The following FANK1 variants were observed in gnomAD, a reference collection of about 807,000 sequenced individuals.
The protein encoded by FANK1 is fibronectin type III and ankyrin repeat domains 1.
In FANK1, 44 loss-of-function variants were observed where a neutral mutation model predicts 45.3. The ratio of observed to expected loss-of-function variants is 0.97; its 90% CI spans 0.76 to 1.25. The LOEUF (loss-of-function observed/expected upper bound fraction) is 1.25, where lower values mean the gene tolerates loss of function less well. Among genes scored for constraint, FANK1 ranks in the 50% most tolerant of loss-of-function variants. The probability of loss-of-function intolerance (pLI) is 0.00; values close to 1 mark genes in which losing one functional copy is unlikely to be tolerated. For missense variants in FANK1, 391 were observed against 424.4 expected (o/e 0.92, Z 0.69); for synonymous variants, 149 against 152.5 (o/e 0.98, Z 0.17).
At chr10:125,926,981 C>G (rs146350256) in intron 1 of FANK1, among the ~76,000 whole-genome samples, 1,932 of 152,282 alleles carry the variant, frequency 0.013, 23 homozygotes, top group African/African-American at 0.043. Context: ...TGACCAGCAA[C>G]CCAGAAGCCT....
intron 3 of FANK1, among the ~76,000 whole-genome samples, chr10:125,990,794 G>A (rs56728149): frequency 0.057 from 8,642 of 152,266 alleles, 847 homozygotes; most frequent in African/African-American, 0.2. Flanking sequence ...AAGGAAAGAA[G>A]TTTAATGGAC....
Position 125,954,300 on chromosome 10 carries a change from A to G in FANK1, c.14-25861A>G, listed in dbSNP as rs550078104. Among the ~76,000 whole-genome samples, 20 of 152,280 alleles carry G rather than the reference A, an allele frequency of 1.3e-4. No individual in the cohort carries two copies. In the South Asian group the frequency reaches 1.5e-3, roughly 11 times the overall value. On this transcript the variant is annotated intron_variant, in intron 1 of 10. Transcript: ENST00000368693. ...GACAGGGAGGCATAAAGGATAAGGA[A>G]GTTAGTTTGGCCTTGGAAGTAGGGA...
intron 1 of FANK1, among the ~76,000 whole-genome samples, chr10:125,962,016 A>G (rs1281320448): frequency 6.6e-6 from 1 of 152,244 alleles, no homozygotes; most frequent in African/African-American, 2.4e-5. Context: ...AAGCTTCTGC[A>G]CAGCAAAGGA....
intron 1 of FANK1, among the ~76,000 whole-genome samples, chr10:125,947,668 G>T (rs1318829334): frequency 6.7e-6 from 1 of 150,196 alleles, no homozygotes; most frequent in Non-Finnish European, 1.5e-5. Flanking sequence ...AATAATGGGA[G>T]ACTTTAACAC....
intron 4 of FANK1, 165 bp downstream of exon 4, chr10:125,995,663 A>G (rs1952274897): frequency 3.2e-6 from 2 of 618,632 alleles, no homozygotes; most frequent in African/African-American, 1.8e-5. Context: ...CAGTTAATAA[A>G]GATGCTCATG....
At chr10:125,938,856 C>T (rs939688436) in intron 1 of FANK1, among the ~76,000 whole-genome samples, 3 of 152,046 alleles carry the variant, frequency 2.0e-5, no homozygotes, top group Non-Finnish European at 4.4e-5. Context: ...TAAAAGTATA[C>T]AGAACCAGCT....
At chr10:125,987,775 C>T (rs560491706) in intron 2 of FANK1, among the ~76,000 whole-genome samples, 21 of 152,208 alleles carry the variant, frequency 1.4e-4, no homozygotes, top group African/African-American at 4.8e-4. Flanking sequence ...CTCCTGGGAC[C>T]TGCCTCACAA....
At chr10:125,946,616 C>A (rs1330179910) in intron 1 of FANK1, among the ~76,000 whole-genome samples, 1 of 150,556 alleles carries the variant, frequency 6.6e-6, no homozygotes, top group Non-Finnish European at 1.5e-5. Flanking sequence ...TGTGAAAAGA[C>A]CAAATCTACG....
chr10:126,001,356 T>C (rs903235085), intron 6 of FANK1, among the ~76,000 whole-genome samples: 7 of 152,176 alleles, frequency 4.6e-5, no homozygotes, highest in African/African-American at 1.4e-4. Context: ...TATGAAATAA[T>C]AAGAAACTGA....
chr10:125,903,198 T>C (rs1301412682), intron 1 of FANK1, among the ~76,000 whole-genome samples: 1 of 152,288 alleles, frequency 6.6e-6, no homozygotes, highest in Non-Finnish European at 1.5e-5. Context: ...TTAAAACTTG[T>C]CTATTCTGAA....
intron 1 of FANK1, among the ~76,000 whole-genome samples, chr10:125,924,806 CAAA>C (rs58856642): frequency 1.1e-3 from 79 of 70,766 alleles, no homozygotes; most frequent in African/African-American, 2.6e-3. Context: ...GACCCCATCT[CAAA>C]AAAAAAAAAA....
chr10:125,970,927 C>G (rs1264846961), intron 1 of FANK1, among the ~76,000 whole-genome samples: 2 of 152,150 alleles, frequency 1.3e-5, no homozygotes, highest in Non-Finnish European at 2.9e-5. Flanking sequence ...AGATGTGTTA[C>G]TTGTTATACA....
intron 3 of FANK1, among the ~76,000 whole-genome samples, chr10:125,992,294 G>T (rs1476969579): frequency 6.6e-6 from 1 of 152,122 alleles, no homozygotes; most frequent in Admixed American, 6.5e-5. Flanking sequence ...CTGTTTCTTT[G>T]TCAAATTCAG....
At chr10:125,900,633 TTTTG>T (rs1554903790) in intron 1 of FANK1, among the ~76,000 whole-genome samples, 30 of 152,024 alleles carry the variant, frequency 2.0e-4, no homozygotes, top group East Asian at 7.8e-4. Context: ...TTCTGTTTTT[TTTTG>T]TTTGTTTGTT....
intron 6 of FANK1, among the ~76,000 whole-genome samples, chr10:125,997,910 C>A (rs1000874922): frequency 6.6e-6 from 1 of 152,230 alleles, no homozygotes; most frequent in African/African-American, 2.4e-5. Flanking sequence ...AAGAAGCAGA[C>A]AGAAATTACC....
chr10:125,949,407 C>G (rs1949044698), intron 1 of FANK1, among the ~76,000 whole-genome samples: 1 of 152,162 alleles, frequency 6.6e-6, no homozygotes, highest in Admixed American at 6.6e-5. Flanking sequence ...AGCTGATAAA[C>G]AACTTCAGCA....
intron 1 of FANK1, among the ~76,000 whole-genome samples, chr10:125,922,077 T>G (rs1946983802): frequency 6.6e-6 from 1 of 152,220 alleles, no homozygotes; most frequent in Non-Finnish European, 1.5e-5. Context: ...AATTTAGTGC[T>G]ATAAATTGCC....
rs572245588 is a variant in FANK1, at chr10:125,946,139, A to G, written c.14-34022A>G. The stretch of plus-strand genomic sequence containing the variant: ...CCATCATCAAAGACCAAAAGTAGAT[A>G]AAACCACAAAGATGGGAAAAAAACA... On this transcript the variant is annotated intron_variant, in intron 1 of 10. Coordinates refer to ENST00000368693, the MANE Select transcript of FANK1 (RefSeq NM_145235.5). Among the ~76,000 whole-genome samples the G allele has an allele frequency of 5.9e-4, 90 of 152,334 alleles. 1 individual carries two copies. Among genetic ancestry groups the G allele is most frequent in the East Asian group, 4.1e-3 (21 of 5,184 alleles).
rs181041453 is a variant in FANK1 at position 125,979,790 on chromosome 10, A to C, written c.14-371A>C. 238 of 463,770 alleles carry C rather than the reference A, an allele frequency of 5.1e-4. 1 individual carries two copies. The highest frequency in any genetic ancestry group is 1.3e-3 in the Middle Eastern group (4 of 3,120). 28.7% of individuals were successfully genotyped at this position (463,770 alleles called of 1,614,324 possible). On this transcript the variant is annotated intron_variant, in intron 1 of 10. Transcript: ENST00000368693. ...TCTATGTTCCACATACTTGGATCAG[A>C]TAGAGCATTTGTCTCTTGGCTTTGT...
Sources: gnomAD v4.1 joint callset for allele counts (sites outside exome capture counted in the v4.1 genomes callset) on GRCh38, gnomAD v4.1.1 for gene constraint, MANE v1.5 for transcripts, NCBI Gene and HGNC (gene_info 2026-07-23, HGNC 2026-07-21) for gene names.